The following NXN variants were observed in gnomAD, a reference collection of about 807,000 sequenced individuals.
NXN encodes the protein nucleoredoxin, also known as nucleoredoxin 1.
A neutral mutation model predicts 48.6 loss-of-function variants in NXN; 16 were observed. The ratio of observed to expected loss-of-function variants is 0.33; its 90% CI spans 0.22 to 0.50. The LOEUF (loss-of-function observed/expected upper bound fraction) is 0.50, where lower values mean the gene tolerates loss of function less well. NXN is among the 20% of genes least tolerant of loss of function. NXN has a pLI of 0.98. For synonymous variants in NXN, 281 were observed against 269.6 expected (o/e 1.04, Z -0.41); for missense variants, 492 against 605.5 (o/e 0.81, Z 1.97).
At position 851,151 on chromosome 17, in the gene NXN, C is replaced by T. The variant is rs1374293880; in HGVS notation, c.361-25073G>A. On this transcript the variant is annotated intron_variant, in intron 1 of 7. Coordinates refer to ENST00000336868, the MANE Select transcript of NXN (RefSeq NM_022463.5). ...AGAACCGAACTGCTAAACATCAACA[C>T]GTTTCAACCTGGTCTCCAGACCACC... 5.2e-5 allele frequency among the ~76,000 whole-genome samples: 8 copies of T among 152,394 alleles called. No individual in the cohort carries two copies. The South Asian group carries it at 8.3e-4, about 16-fold the overall frequency.
At chr17:929,225 C>T (rs4968069) in intron 1 of NXN, among the ~76,000 whole-genome samples, 59,845 of 152,088 alleles carry the variant, frequency 0.39, 11,863 homozygotes, top group East Asian at 0.44. Flanking sequence ...GGGCTGGCTG[C>T]GGCCCTCCAC....
At chr17:855,916 C>T (rs1306202061) in intron 1 of NXN, among the ~76,000 whole-genome samples, 2 of 152,078 alleles carry the variant, frequency 1.3e-5, no homozygotes, top group African/African-American at 2.4e-5. Flanking sequence ...CAATCTAGGC[C>T]GGGTGCCGTG....
intron 1 of NXN, among the ~76,000 whole-genome samples, chr17:976,511 G>T (rs560277910): frequency 1.3e-5 from 2 of 152,248 alleles, no homozygotes; most frequent in African/African-American, 2.4e-5. Context: ...TTTCCCTTCA[G>T]TGTAAAACAA....
At chr17:817,381 C>G (rs1371795723) in intron 5 of NXN, among the ~76,000 whole-genome samples, 6 of 152,108 alleles carry the variant, frequency 3.9e-5, no homozygotes, top group Admixed American at 3.9e-4. Context: ...GTCAAAGAGC[C>G]TAATGAGGCC....
intron 1 of NXN, among the ~76,000 whole-genome samples, chr17:888,935 C>T (rs548225427): frequency 9.2e-5 from 12 of 130,150 alleles, no homozygotes; most frequent in Admixed American, 4.4e-4. Flanking sequence ...AGCCTGGGGG[C>T]GACAAGTGCA....
intron 1 of NXN, among the ~76,000 whole-genome samples, chr17:828,097 GT>G (rs1049248585): frequency 6.6e-6 from 1 of 151,700 alleles, no homozygotes; most frequent in African/African-American, 2.4e-5. Flanking sequence ...TGCACATCCA[GT>G]TTTTTTTGTT....
At chr17:863,863 G>C in intron 1 of NXN, 2 of 1,059,344 alleles carry the variant, frequency 1.9e-6, no homozygotes, top group Non-Finnish European at 2.8e-6. Context: ...TGTCCTTCAG[G>C]GAAAAAACAT....
intron 1 of NXN, among the ~76,000 whole-genome samples, chr17:837,258 G>A (rs558938312): frequency 2.6e-5 from 4 of 152,304 alleles, no homozygotes; most frequent in African/African-American, 7.2e-5. Context: ...GGCTACAGGT[G>A]TAAGCCACTG....
chr17:849,877 C>T lies in NXN; in HGVS notation c.361-23799G>A, dbSNP rs1015836561. 1.3e-5 allele frequency among the ~76,000 whole-genome samples: 2 copies of T among 152,078 alleles called. No homozygotes were observed. Among genetic ancestry groups the T allele is most frequent in the Non-Finnish European group, 2.9e-5 (2 of 68,012 alleles). On this transcript the variant is annotated intron_variant, in intron 1 of 7. Coordinates refer to ENST00000336868, the MANE Select transcript of NXN (RefSeq NM_022463.5). This position sits in a 1 kb window ranked among gnomAD's most constrained non-coding sequence, Gnocchi z 4.2. ...GGAGGGGCAGGAGAGACACCAGAGT[C>T]AGAGAGGAGCGAACGAGAGAAGCTG...
At chr17:934,458 A>T (rs1411875442) in intron 1 of NXN, among the ~76,000 whole-genome samples, 1 of 151,724 alleles carries the variant, frequency 6.6e-6, no homozygotes, top group Non-Finnish European at 1.5e-5. Flanking sequence ...AGAAAAAAAA[A>T]AAAAGTACAA....
intron 1 of NXN, among the ~76,000 whole-genome samples, chr17:873,620 C>T (rs1247153886): frequency 6.6e-6 from 1 of 151,878 alleles, no homozygotes; most frequent in Non-Finnish European, 1.5e-5. Flanking sequence ...CTTCTTTTAG[C>T]ATCTTCTTGA....
chr17:957,043 G>C (rs2069178652), intron 1 of NXN, among the ~76,000 whole-genome samples: 1 of 152,162 alleles, frequency 6.6e-6, no homozygotes, highest in African/African-American at 2.4e-5. Flanking sequence ...AGCTGGGACT[G>C]AGTCATTTAT....
At chr17:836,418 C>G (rs1348412985) in intron 1 of NXN, among the ~76,000 whole-genome samples, 4 of 152,216 alleles carry the variant, frequency 2.6e-5, no homozygotes, top group African/African-American at 9.6e-5. Context: ...CAAATGCCGA[C>G]CACAATCAAA....
chr17:832,941 A>G (rs2144676250), intron 1 of NXN, among the ~76,000 whole-genome samples: 1 of 152,130 alleles, frequency 6.6e-6, no homozygotes, highest in African/African-American at 2.4e-5. Flanking sequence ...CCCAGGCTGG[A>G]GTGCAGTGGC....
rs181146621 is a variant in NXN, at chr17:846,395, G to A, written c.361-20317C>T. ...TCGTGCCACTGCACTCCAGCCTGGC[G>A]ACAGAGAGAAATTGTCTCAAAAAAA... On this transcript the variant is annotated intron_variant, in intron 1 of 7. Coordinates refer to ENST00000336868, the MANE Select transcript of NXN (RefSeq NM_022463.5). Among the ~76,000 whole-genome samples, 447 of 132,730 alleles carry A rather than the reference G, an allele frequency of 3.4e-3. 1 individual carries two copies. The highest frequency in any genetic ancestry group is 0.011 in the African/African-American group (398 of 35,624). 87.1% of individuals were successfully genotyped at this position (132,730 alleles called of 152,430 possible).
At chr17:864,597 C>T (rs141637168) in intron 1 of NXN, among the ~76,000 whole-genome samples, 1 of 152,328 alleles carries the variant, frequency 6.6e-6, no homozygotes, top group African/African-American at 2.4e-5. Flanking sequence ...GGAACTTGCC[C>T]TGCATTTCCT....
intron 1 of NXN, among the ~76,000 whole-genome samples, chr17:959,870 A>G (rs1233950678): frequency 1.3e-5 from 2 of 151,290 alleles, no homozygotes; most frequent in Non-Finnish European, 1.5e-5. Flanking sequence ...AGGCGGGTGG[A>G]TTACTTGAGG....
chr17:964,749 C>T (rs1196779450), intron 1 of NXN, among the ~76,000 whole-genome samples: 1 of 152,194 alleles, frequency 6.6e-6, no homozygotes, highest in East Asian at 1.9e-4. Context: ...AGGTAAAATT[C>T]ATGAAATAAA....
chr17:857,133 G>A (rs751532620), intron 1 of NXN, among the ~76,000 whole-genome samples: 24 of 152,336 alleles, frequency 1.6e-4, no homozygotes, highest in Non-Finnish European at 3.1e-4. Flanking sequence ...CTCAGTTGTG[G>A]TGGGTGGAAG....
Sources: allele counts gnomAD v4.1 joint callset (sites outside exome capture counted in the v4.1 genomes callset), GRCh38; gene constraint gnomAD v4.1.1; non-coding constraint Gnocchi (gnomAD v3.1); transcripts MANE v1.5; gene names NCBI Gene and HGNC (gene_info 2026-07-23, HGNC 2026-07-21).